The following PPM1H variants were observed in gnomAD, a reference collection of about 807,000 sequenced individuals.
PPM1H encodes protein phosphatase, Mg2+/Mn2+ dependent 1H, also known as protein phosphatase 1H.
Under a neutral mutation model 54.9 loss-of-function variants are expected in PPM1H, and 27 were observed. That is an observed-to-expected ratio of 0.49 (90% CI 0.36 to 0.68). The LOEUF (loss-of-function observed/expected upper bound fraction) is 0.68. PPM1H is among the 30% of genes least tolerant of loss of function. The pLI, the probability that PPM1H is intolerant of heterozygous loss-of-function variation, is 0.00. For missense variants in PPM1H, 596 were observed against 667.8 expected, an observed-to-expected ratio of 0.89 and a Z score of 1.19; for synonymous variants, 305 against 270.8, an observed-to-expected ratio of 1.13 and a Z score of -1.24.
intron 2 of PPM1H, among the ~76,000 whole-genome samples, chr12:62,810,722 T>C (rs966812886): frequency 3.3e-5 from 5 of 152,240 alleles, no homozygotes; most frequent in Admixed American, 6.5e-5. Context: ...TGTCTTAACA[T>C]AGAAAGACCA....
intron 2 of PPM1H, among the ~76,000 whole-genome samples, chr12:62,816,049 T>C (rs2076864438): frequency 6.6e-6 from 1 of 152,160 alleles, no homozygotes; most frequent in Non-Finnish European, 1.5e-5. Flanking sequence ...TGAGAAAATA[T>C]TTAGTGTCAA....
intron 2 of PPM1H, among the ~76,000 whole-genome samples, chr12:62,818,703 C>T (rs532469668): frequency 6.6e-6 from 1 of 152,264 alleles, no homozygotes; most frequent in South Asian, 2.1e-4. Context: ...CATTAAGCTA[C>T]CCAAAAATGA....
chr12:62,906,079 C>T (rs1336635263), intron 1 of PPM1H, among the ~76,000 whole-genome samples: 1 of 152,184 alleles, frequency 6.6e-6, no homozygotes, highest in East Asian at 1.9e-4. Context: ...TGACCAGTGG[C>T]TTGGATTTGA....
chr12:62,859,232 A>G (rs2120963706), intron 1 of PPM1H, among the ~76,000 whole-genome samples: 1 of 152,316 alleles, frequency 6.6e-6, no homozygotes, highest in South Asian at 2.1e-4. Context: ...CTAGTTCCTC[A>G]TTAACATTCA....
chr12:62,653,875 TAGTC>T (rs572097220), intron 9 of PPM1H, among the ~76,000 whole-genome samples: 125 of 152,132 alleles, frequency 8.2e-4, no homozygotes, highest in African/African-American at 2.9e-3. Context: ...CATCAGGTGA[TAGTC>T]AGGCCATTGT....
At chr12:62,909,720 C>T (rs953344870) in intron 1 of PPM1H, among the ~76,000 whole-genome samples, 3 of 152,152 alleles carry the variant, frequency 2.0e-5, no homozygotes, top group Non-Finnish European at 4.4e-5. Context: ...TGTCATCACA[C>T]TACATATTTA....
intron 1 of PPM1H, among the ~76,000 whole-genome samples, chr12:62,915,302 T>G (rs868305822): frequency 1.3e-5 from 2 of 152,188 alleles, no homozygotes; most frequent in East Asian, 3.9e-4. Context: ...ATGTGGTGAG[T>G]GCCTGCAGCG....
At chr12:62,674,750 T>G (rs532798493) in intron 8 of PPM1H, among the ~76,000 whole-genome samples, 125 of 152,372 alleles carry the variant, frequency 8.2e-4, no homozygotes, top group African/African-American at 2.8e-3. Flanking sequence ...CTGGACATCG[T>G]ATGCCTTACA....
In PPM1H at chr12:62,844,368, G is replaced by A. The variant is rs921759714; in HGVS notation, c.246-12089C>T. On this transcript the variant is annotated intron_variant, in intron 1 of 9. Transcript: ENST00000228705. This position sits in a 1 kb window ranked among gnomAD's most constrained non-coding sequence, Gnocchi z 5.2. Reference sequence around the variant, plus strand: ...CCTGAGGAGAAATAATGTTCTGAGGGGCAAGGGGGGCGTCTTATCTCTGAT... The same window carrying A: ...CCTGAGGAGAAATAATGTTCTGAGGAGCAAGGGGGGCGTCTTATCTCTGAT... Among the ~76,000 whole-genome samples the A allele has an allele frequency of 3.9e-5, 6 of 152,246 alleles. No individual in the cohort carries two copies. In the South Asian group the frequency reaches 1.0e-3, roughly 26 times the overall value.
chr12:62,904,459 C>A (rs1041255919), intron 1 of PPM1H, among the ~76,000 whole-genome samples: 1 of 152,102 alleles, frequency 6.6e-6, no homozygotes, highest in Non-Finnish European at 1.5e-5. Context: ...AGGCTGACCT[C>A]GAACTCCCTG....
At chr12:62,910,153 A>C (rs1257319419) in intron 1 of PPM1H, among the ~76,000 whole-genome samples, 1 of 152,182 alleles carries the variant, frequency 6.6e-6, no homozygotes, top group Non-Finnish European at 1.5e-5. Context: ...ACATGACAGC[A>C]GGTTGGAGAA....
chr12:62,659,983 T>TC (rs2136604358), intron 9 of PPM1H, among the ~76,000 whole-genome samples: 1 of 152,258 alleles, frequency 6.6e-6, no homozygotes, highest in Non-Finnish European at 1.5e-5. Context: ...AAACGTGTAG[T>TC]CCCAGGCTAC....
chr12:62,835,043 T>C (rs1476103395), intron 1 of PPM1H, among the ~76,000 whole-genome samples: 1 of 152,146 alleles, frequency 6.6e-6, no homozygotes, highest in East Asian at 1.9e-4. Flanking sequence ...TTGGCATCAC[T>C]CTGACCACTG....
intron 4 of PPM1H, among the ~76,000 whole-genome samples, chr12:62,743,257 G>C (rs538196441): frequency 6.6e-6 from 1 of 152,238 alleles, no homozygotes; most frequent in African/African-American, 2.4e-5. Context: ...GGAGGCTGAG[G>C]CAGGAGAATT....
chr12:62,677,154 G>A (rs11174598), intron 8 of PPM1H, among the ~76,000 whole-genome samples: 9,993 of 152,250 alleles, frequency 0.066, 423 homozygotes, highest in Middle Eastern at 0.14. Context: ...CCTGCCTGTG[G>A]AAAGAAGCTA....
chr12:62,848,852 A>G (rs1869072133), intron 1 of PPM1H, among the ~76,000 whole-genome samples: 1 of 152,132 alleles, frequency 6.6e-6, no homozygotes, highest in Non-Finnish European at 1.5e-5. Context: ...TGAGGCATTG[A>G]ATTATGGTAA....
rs752708216 is a variant in PPM1H, at chr12:62,788,239, C to T, written c.856G>A (p.Ala286Thr). The T allele has an allele frequency of 6.3e-7, 1 of 1,592,242 alleles. No individual in the cohort carries two copies. Among genetic ancestry groups the T allele is most frequent in the South Asian group, 1.1e-5 (1 of 87,598 alleles). ...CLLGKLYVANAGDSRAIIIRN... is the reference protein window; with the variant it reads ...CLLGKLYVANTGDSRAIIIRN... Reference sequence around the variant, plus strand: ...TCATCTGCTTACCTGCTATCCCCAGCATTTGCAACATACAGCTTCCCCAAA... The same window carrying T: ...TCATCTGCTTACCTGCTATCCCCAGTATTTGCAACATACAGCTTCCCCAAA... The change falls in exon 4 of 10, where the codon GCT becomes ACT. Residue 286 changes from alanine to threonine, a missense_variant. Ala to Thr is a moderately conservative substitution (Grantham distance 58). Around this residue, in one of 3 missense-constraint regions of PPM1H, gnomAD observed 382 missense variants for 387.1 expected, o/e 0.99. Transcript: ENST00000228705.
At chr12:62,907,428 G>T (rs544507354) in intron 1 of PPM1H, among the ~76,000 whole-genome samples, 1 of 152,160 alleles carries the variant, frequency 6.6e-6, no homozygotes, top group Non-Finnish European at 1.5e-5. Context: ...CCTGTGTTCA[G>T]GTTTGCCACC....
intron 4 of PPM1H, among the ~76,000 whole-genome samples, chr12:62,749,438 T>C (rs2076429304): frequency 6.6e-6 from 1 of 152,194 alleles, no homozygotes; most frequent in South Asian, 2.1e-4. Flanking sequence ...AGCATCAGAC[T>C]TTGTGGATTC....
Sources: gnomAD v4.1 joint callset for allele counts (sites outside exome capture counted in the v4.1 genomes callset) on GRCh38, gnomAD v4.1.1 for gene constraint, gnomAD v4.1.1 regional missense constraint, Gnocchi (gnomAD v3.1) non-coding constraint, MANE v1.5 for transcripts, NCBI Gene and HGNC (gene_info 2026-07-23, HGNC 2026-07-21) for gene names.